GRK5: variants seen among roughly 807,000 people sequenced by gnomAD.
GRK5 encodes the protein g protein-coupled receptor kinase GRK5.
Under a neutral mutation model 78.4 loss-of-function variants are expected in GRK5, and 40 were observed. That is an observed-to-expected ratio of 0.51 (90% CI 0.40 to 0.66). The LOEUF is 0.66. Ranked by LOEUF, GRK5 falls within the 30% of genes least tolerant of loss-of-function variation. The pLI, the probability that GRK5 is intolerant of heterozygous loss-of-function variation, is 0.00. For missense variants in GRK5, 598 were observed against 759.9 expected, an observed-to-expected ratio of 0.79 and a Z score of 2.50; for synonymous variants, 289 against 296.8, an observed-to-expected ratio of 0.97 and a Z score of 0.27.
At chr10:119,349,684 C>T (rs1373041320) in intron 2 of GRK5, among the ~76,000 whole-genome samples, 1 of 152,210 alleles carries the variant, frequency 6.6e-6, no homozygotes, top group African/African-American at 2.4e-5. Context: ...ACAGCCCTTT[C>T]TGGGGTCATT....
At chr10:119,260,864 T>C (rs1213489937) in intron 1 of GRK5, among the ~76,000 whole-genome samples, 2 of 152,052 alleles carry the variant, frequency 1.3e-5, no homozygotes, top group African/African-American at 2.4e-5. Flanking sequence ...CTTTCCCCGC[T>C]TTCTATTCCA....
chr10:119,368,932 C>T (rs575894701), intron 2 of GRK5, among the ~76,000 whole-genome samples: 56 of 152,318 alleles, frequency 3.7e-4, no homozygotes, highest in African/African-American at 1.2e-3. Flanking sequence ...ATCAGGAGAA[C>T]GTGGGCTGGA....
chr10:119,297,726 A>T (rs147916260), intron 1 of GRK5, among the ~76,000 whole-genome samples: 4 of 152,244 alleles, frequency 2.6e-5, no homozygotes, highest in Non-Finnish European at 5.9e-5. Context: ...CCACAGAGTG[A>T]TGTAGCGCGA....
intron 4 of GRK5, among the ~76,000 whole-genome samples, chr10:119,409,867 A>G (rs1346143109): frequency 6.6e-6 from 1 of 152,092 alleles, no homozygotes; most frequent in Admixed American, 6.5e-5. Flanking sequence ...AGAATGAGGG[A>G]CACTCCCCAC....
chr10:119,352,448 T>C (rs1851199800), intron 2 of GRK5, among the ~76,000 whole-genome samples: 1 of 152,334 alleles, frequency 6.6e-6, no homozygotes, highest in East Asian at 1.9e-4. Context: ...CTGCCCACTG[T>C]GTGCTCAGCA....
chr10:119,367,214 C>T (rs1169958153), intron 2 of GRK5, among the ~76,000 whole-genome samples: 2 of 152,150 alleles, frequency 1.3e-5, no homozygotes, highest in Admixed American at 1.3e-4. Flanking sequence ...GTCGAAAATC[C>T]CGACACCACG....
rs1276984598 is a variant in GRK5, at chr10:119,378,552, C to T, written c.149-2263C>T. ...AAGGGGGCCTGGCCGCGGCTCTTTCCGTTCCAGGAGGCAGACAGCGGAGTG... is the reference window on the plus strand; with the variant it reads ...AAGGGGGCCTGGCCGCGGCTCTTTCTGTTCCAGGAGGCAGACAGCGGAGTG... On this transcript the variant is annotated intron_variant, in intron 2 of 15. Transcript: ENST00000392870. The surrounding 1 kb of genome is among the most constrained non-coding windows in gnomAD (Gnocchi z 4.5). Among the ~76,000 whole-genome samples the T allele has an allele frequency of 6.6e-6, 1 of 152,264 alleles. No individual in the cohort carries two copies. The highest frequency in any genetic ancestry group is 2.4e-5 in the African/African-American group (1 of 41,476).
At chr10:119,386,730 T>C (rs1226842395) in intron 3 of GRK5, among the ~76,000 whole-genome samples, 1 of 152,194 alleles carries the variant, frequency 6.6e-6, no homozygotes, top group Non-Finnish European at 1.5e-5. Context: ...AACACCTCTT[T>C]TACGCACGGA....
chr10:119,337,770 C>A (rs1564896468), intron 2 of GRK5, among the ~76,000 whole-genome samples: 1 of 152,136 alleles, frequency 6.6e-6, no homozygotes, highest in Non-Finnish European at 1.5e-5. Flanking sequence ...CAGGCACCCG[C>A]CACTGTGCCC....
At chr10:119,436,916 G>C in intron 9 of GRK5, 75 bp downstream of exon 9, 2 of 1,376,820 alleles carry the variant, frequency 1.5e-6, no homozygotes, top group Non-Finnish European at 2.0e-6. Flanking sequence ...CCCTCGGGCA[G>C]GTGGTTGCCA....
chr10:119,459,363 A>G lies in GRK5; in HGVS notation c.*4296A>G, dbSNP rs1473028031. 2 of 152,138 alleles carry G rather than the reference A, an allele frequency of 1.3e-5. No individual in the cohort carries two copies. Among genetic ancestry groups the G allele is most frequent in the Admixed American group, 1.3e-4 (2 of 15,274 alleles). The allele number at this position is 152,138 out of a possible 1,614,324, so 9.4% of individuals were successfully genotyped here. A position where few individuals can be genotyped will look rare whatever the true frequency, so the allele number is the denominator to read the frequency against. ...TGTGCCGGAGACAGTGATTGAAAAC[A>G]TTTGAAAAGCCAGCTCTCCCTGGCA... On this transcript the variant is annotated 3_prime_UTR_variant, in exon 16 of 16. Coordinates refer to ENST00000392870, the MANE Select transcript of GRK5 (RefSeq NM_005308.3).
At position 119,458,763 on chromosome 10, in the gene GRK5, C is replaced by T. The variant is rs1853439886; in HGVS notation, c.*3696C>T. The T allele has an allele frequency of 6.6e-6, 1 of 152,312 alleles. No homozygotes were observed. The highest frequency in any genetic ancestry group is 2.4e-5 in the African/African-American group (1 of 41,444). 9.4% of individuals were successfully genotyped at this position (152,312 alleles called of 1,614,324 possible). A position where few individuals can be genotyped will look rare whatever the true frequency, so the allele number is the denominator to read the frequency against. On this transcript the variant is annotated 3_prime_UTR_variant, in exon 16 of 16. Transcript: ENST00000392870. Reference sequence around the variant, plus strand: ...CCTGGCCCCGCTGCAGAAATCCCTTCTCTTCCTCCACACCCTGTCCTTTCC... The same window carrying T: ...CCTGGCCCCGCTGCAGAAATCCCTTTTCTTCCTCCACACCCTGTCCTTTCC...
At chr10:119,258,272 T>C (rs977734558) in intron 1 of GRK5, among the ~76,000 whole-genome samples, 1 of 152,262 alleles carries the variant, frequency 6.6e-6, no homozygotes, top group Non-Finnish European at 1.5e-5. Context: ...TGTGTTGTTA[T>C]GTGTATCAGT....
chr10:119,216,861 A>G (rs1848583550), intron 1 of GRK5, among the ~76,000 whole-genome samples: 4 of 152,154 alleles, frequency 2.6e-5, no homozygotes, highest in African/African-American at 9.7e-5. Flanking sequence ...AGACTGAGGC[A>G]GGAGAATTGT....
rs994590746 is a variant in GRK5, at chr10:119,412,513, G to A, written c.340-10653G>A. Among the ~76,000 whole-genome samples, 8 of 152,172 alleles carry A rather than the reference G, an allele frequency of 5.3e-5. No individual in the cohort carries two copies. The highest frequency in any genetic ancestry group is 1.4e-4 in the African/African-American group (6 of 41,432). ...ATTTATTTTTCTCCCCAGTGACCCCGAAAACCAAACCCTGCCTTCTTTCCT... is the reference window on the plus strand; with the variant it reads ...ATTTATTTTTCTCCCCAGTGACCCCAAAAACCAAACCCTGCCTTCTTTCCT... On this transcript the variant is annotated intron_variant, in intron 4 of 15. Coordinates refer to ENST00000392870, the MANE Select transcript of GRK5 (RefSeq NM_005308.3). This position sits in a 1 kb window ranked among gnomAD's most constrained non-coding sequence, Gnocchi z 4.3.
intron 4 of GRK5, among the ~76,000 whole-genome samples, chr10:119,420,524 C>T (rs1852550319): frequency 6.6e-6 from 1 of 151,502 alleles, no homozygotes; most frequent in African/African-American, 2.4e-5. Context: ...ATTTTGAGGT[C>T]AAAACCACAC....
chr10:119,274,372 A>G (rs1368635129), intron 1 of GRK5, among the ~76,000 whole-genome samples: 1 of 152,204 alleles, frequency 6.6e-6, no homozygotes. Flanking sequence ...GCATGTGGGC[A>G]TTGTAGGAAA....
chr10:119,355,381 G>T (rs1472587693), intron 2 of GRK5, among the ~76,000 whole-genome samples: 1 of 152,164 alleles, frequency 6.6e-6, no homozygotes, highest in Non-Finnish European at 1.5e-5. Context: ...TCTCTACGAG[G>T]TGCTTATTTT....
intron 4 of GRK5, among the ~76,000 whole-genome samples, chr10:119,411,517 C>G (rs1378273553): frequency 6.6e-6 from 1 of 152,082 alleles, no homozygotes; most frequent in Non-Finnish European, 1.5e-5. Context: ...AAGGGAAGAT[C>G]CAGAGTTTCT....
Sources: allele counts gnomAD v4.1 joint callset (sites outside exome capture counted in the v4.1 genomes callset), GRCh38; gene constraint gnomAD v4.1.1; non-coding constraint Gnocchi (gnomAD v3.1); transcripts MANE v1.5; gene names NCBI Gene and HGNC (gene_info 2026-07-23, HGNC 2026-07-21).